The following SCARA5 variants were observed in gnomAD, a reference collection of about 807,000 sequenced individuals.
SCARA5 encodes scavenger receptor class A member 5, also known as scavenger receptor class A, member 5 (putative).
Under a neutral mutation model 46.3 loss-of-function variants are expected in SCARA5, and 45 were observed. The ratio of observed to expected loss-of-function variants is 0.97; its 90% CI spans 0.76 to 1.24. SCARA5 has a LOEUF of 1.24. Ranked by LOEUF, SCARA5 falls within the 50% of genes most tolerant of loss-of-function variation. The pLI is 0.00. For synonymous variants in SCARA5, 333 were observed against 306.5 expected (o/e 1.09, Z -0.90); for missense variants, 680 against 689.0 (o/e 0.99, Z 0.15).
At chr8:27,879,142 T>G (rs1412190785) in intron 8 of SCARA5, among the ~76,000 whole-genome samples, 2 of 152,082 alleles carry the variant, frequency 1.3e-5, no homozygotes, top group African/African-American at 4.8e-5. Context: ...GCTGTAAAGA[T>G]GAAATGGGTA....
rs976416282 is a variant in SCARA5 at position 27,981,959 on chromosome 8, G to A, written c.112+5545C>T. On this transcript the variant is annotated intron_variant, in intron 2 of 8. Transcript: ENST00000354914. ...CCCATCTTTGGGCAGCAGCCCAGCA[G>A]CCCTCAGCTGCGCCAAGTGAACCGG... Among the ~76,000 whole-genome samples the A allele has an allele frequency of 2.6e-5, 4 of 152,306 alleles. No individual in the cohort carries two copies. The East Asian group carries it at 7.7e-4, about 29-fold the overall frequency.
At chr8:27,938,547 C>T (rs1344792319) in intron 3 of SCARA5, among the ~76,000 whole-genome samples, 1 of 152,086 alleles carries the variant, frequency 6.6e-6, no homozygotes, top group African/African-American at 2.4e-5. Flanking sequence ...AATGACTTGC[C>T]CTGTAGTCGA....
chr8:27,911,639 C>T (rs1807377967), intron 4 of SCARA5, among the ~76,000 whole-genome samples: 1 of 151,860 alleles, frequency 6.6e-6, no homozygotes, highest in South Asian at 2.1e-4. Flanking sequence ...TGCCGTGAGC[C>T]GAGATTGCGC....
intron 3 of SCARA5, among the ~76,000 whole-genome samples, chr8:27,955,174 T>C (rs1808188616): frequency 6.6e-6 from 1 of 152,142 alleles, no homozygotes; most frequent in Non-Finnish European, 1.5e-5. Context: ...GTGACCAGTG[T>C]TACTGGCACC....
At position 27,949,697 on chromosome 8, in the gene SCARA5, C is replaced by A. The variant is rs939714; in HGVS notation, c.241+16717G>T. ...ACCGCATCCCATCAAGAGGGCTTTT[C>A]CCCGTGGAAACTCACGCCCACGGTA... On this transcript the variant is annotated intron_variant, in intron 3 of 8. Coordinates refer to ENST00000354914, the MANE Select transcript of SCARA5 (RefSeq NM_173833.6). Among the ~76,000 whole-genome samples, 683 of 152,326 alleles carry A rather than the reference C, an allele frequency of 4.5e-3. 5 individuals carry two copies. The highest frequency in any genetic ancestry group is 0.016 in the African/African-American group (649 of 41,566).
At chr8:27,979,209 C>T (rs1027042927) in intron 2 of SCARA5, among the ~76,000 whole-genome samples, 3 of 152,188 alleles carry the variant, frequency 2.0e-5, no homozygotes, top group Non-Finnish European at 2.9e-5. Context: ...ACTTCCCACT[C>T]GCTCCTCTTC....
intron 3 of SCARA5, among the ~76,000 whole-genome samples, chr8:27,957,247 T>A (rs1424480453): frequency 6.6e-6 from 1 of 152,214 alleles, no homozygotes; most frequent in Non-Finnish European, 1.5e-5. Context: ...GCTCCTGGGA[T>A]AGAAATCAAA....
chr8:27,976,177 G>A (rs375895065), intron 2 of SCARA5, among the ~76,000 whole-genome samples: 13 of 152,168 alleles, frequency 8.5e-5, no homozygotes, highest in African/African-American at 2.9e-4. Context: ...GCCAAGGTGA[G>A]CTGGGACACC....
chr8:27,896,795 TAAAGA>T (rs1447998882), intron 7 of SCARA5, among the ~76,000 whole-genome samples: 1 of 152,096 alleles, frequency 6.6e-6, no homozygotes, highest in Non-Finnish European at 1.5e-5. Context: ...AACGGCTCCC[TAAAGA>T]AAAGAGGCTG....
intron 2 of SCARA5, among the ~76,000 whole-genome samples, chr8:27,970,162 A>T (rs936954942): frequency 6.6e-6 from 1 of 151,946 alleles, no homozygotes. Context: ...GCCCACAGAG[A>T]GGCTTATGTG....
At chr8:27,926,267 A>G (rs1370746222) in intron 3 of SCARA5, among the ~76,000 whole-genome samples, 1 of 152,250 alleles carries the variant, frequency 6.6e-6, no homozygotes. Flanking sequence ...CTATGCAGCC[A>G]TAAAAAAGGA....
At chr8:27,886,354 A>G (rs1806895070) in intron 7 of SCARA5, among the ~76,000 whole-genome samples, 1 of 152,178 alleles carries the variant, frequency 6.6e-6, no homozygotes, top group Non-Finnish European at 1.5e-5. Context: ...CAGAGGCCAC[A>G]TTTTGTTGTA....
chr8:27,902,779 G>C (rs2726981), intron 7 of SCARA5, among the ~76,000 whole-genome samples: 2 of 151,938 alleles, frequency 1.3e-5, no homozygotes, highest in Admixed American at 6.6e-5. Context: ...CAGCCCTTTA[G>C]ACAAAAGGGA....
chr8:27,921,076 G>T (rs1217033463), intron 4 of SCARA5, among the ~76,000 whole-genome samples: 2 of 152,206 alleles, frequency 1.3e-5, no homozygotes, highest in African/African-American at 4.8e-5. Context: ...ACGTTCTTTT[G>T]CCTAAATGAG....
At chr8:27,931,452 C>T (rs58025484) in intron 3 of SCARA5, among the ~76,000 whole-genome samples, 1 of 151,996 alleles carries the variant, frequency 6.6e-6, no homozygotes, top group African/African-American at 2.4e-5. Flanking sequence ...CAGTGCCTCA[C>T]CCCTCCTCTC....
chr8:27,990,145 G>A (rs1585532255), intron 1 of SCARA5, among the ~76,000 whole-genome samples: 1 of 152,190 alleles, frequency 6.6e-6, no homozygotes, highest in South Asian at 2.1e-4. Context: ...TGTGTGTGAA[G>A]GGCAGCTGTC....
chr8:27,984,019 A>C (rs1010758116), intron 2 of SCARA5, among the ~76,000 whole-genome samples: 2 of 152,064 alleles, frequency 1.3e-5, no homozygotes, highest in Non-Finnish European at 2.9e-5. Flanking sequence ...TCATTTACTA[A>C]ATAAAGGCTC....
At chr8:27,928,342 G>A (rs1010288) in intron 3 of SCARA5, among the ~76,000 whole-genome samples, 57,844 of 152,142 alleles carry the variant, frequency 0.38, 11,074 homozygotes, top group East Asian at 0.42. Context: ...TGGGAAAGCA[G>A]ATCATAGAAC....
intron 8 of SCARA5, among the ~76,000 whole-genome samples, chr8:27,876,989 C>A (rs946272017): frequency 1.3e-5 from 2 of 152,130 alleles, no homozygotes; most frequent in Non-Finnish European, 2.9e-5. Context: ...CCCATGACTA[C>A]AACAGCATTA....
Sources: allele counts gnomAD v4.1 joint callset (sites outside exome capture counted in the v4.1 genomes callset), GRCh38; gene constraint gnomAD v4.1.1; transcripts MANE v1.5; gene names NCBI Gene and HGNC (gene_info 2026-07-23, HGNC 2026-07-21).